The following USP50 variants were observed in gnomAD, a reference collection of about 807,000 sequenced individuals.
USP50 encodes ubiquitin specific peptidase 50.
Under a neutral mutation model 39.2 loss-of-function variants are expected in USP50, and 37 were observed. The ratio of observed to expected loss-of-function variants is 0.94; its 90% CI spans 0.73 to 1.24. The LOEUF is 1.24. Among genes scored for constraint, USP50 ranks in the 50% most tolerant of loss-of-function variants. USP50 has a pLI of 0.00. For synonymous variants in USP50, 139 were observed against 144.5 expected, an observed-to-expected ratio of 0.96 and a Z score of 0.27; for missense variants, 374 against 398.2, an observed-to-expected ratio of 0.94 and a Z score of 0.52.
rs57450027 is a variant in USP50 at position 50,523,175 on chromosome 15, C to CTTTTTTTT, written c.936+6614_936+6621dup. ...AAAATCAACATATAAAAATCAGTAG[C>CTTTTTTTT]TTTTTTTTTTTTTTTTTTGGTGAGA... On this transcript the variant is annotated intron_variant, in intron 6 of 6. Coordinates refer to ENST00000532404, the MANE Select transcript of USP50 (RefSeq NM_203494.5). Among the ~76,000 whole-genome samples the CTTTTTTTT allele has an allele frequency of 2.3e-4, 24 of 104,206 alleles. 1 individual carries two copies. Among genetic ancestry groups the CTTTTTTTT allele is most frequent in the African/African-American group, 6.7e-4 (18 of 26,978 alleles). 68.4% of individuals were successfully genotyped at this position (104,206 alleles called of 152,430 possible).
intron 5 of USP50, among the ~76,000 whole-genome samples, chr15:50,533,230 G>C (rs2052955986): frequency 6.7e-6 from 1 of 148,518 alleles, no homozygotes; most frequent in South Asian, 2.2e-4. Context: ...GGGACTGTGG[G>C]ACAACTACAA....
At chr15:50,529,204 G>A (rs1231211793) in intron 6 of USP50, among the ~76,000 whole-genome samples, 3 of 152,058 alleles carry the variant, frequency 2.0e-5, no homozygotes, top group South Asian at 2.1e-4. Flanking sequence ...GTGGTTCACG[G>A]TTATTCAACA....
chr15:50,543,563 G>T lies in USP50; in HGVS notation c.444+35C>A, dbSNP rs116117495. 2.8e-3 allele frequency: 4,455 copies of T among 1,573,058 alleles called. 124 individuals carry two copies. In the African/African-American group the frequency reaches 0.052, roughly 18 times the overall value. On this transcript the variant is annotated intron_variant, in intron 3 of 6. Transcript: ENST00000532404. Reference sequence around the variant, plus strand: ...ATGGAAGCTGCTGATAAAGGTTCAGGACTATCCTATTTCAAGGTCATTAAC... The same window carrying T: ...ATGGAAGCTGCTGATAAAGGTTCAGTACTATCCTATTTCAAGGTCATTAAC...
chr15:50,499,852 A>G (rs1448088487), downstream of USP50: 7 of 152,190 alleles, frequency 4.6e-5, no homozygotes, highest in African/African-American at 1.7e-4. Context: ...GATTTTATAT[A>G]CACACGTGCT....
At chr15:50,538,932 A>G (rs1384005278) in intron 4 of USP50, 81 bp from the exon 5 acceptor site, 3 of 1,441,618 alleles carry the variant, frequency 2.1e-6, no homozygotes, top group African/African-American at 2.8e-5. Flanking sequence ...AACTTTGCAA[A>G]TGCCGTGGAA....
chr15:50,518,082 T>C (rs999751011), intron 6 of USP50, among the ~76,000 whole-genome samples: 1 of 152,198 alleles, frequency 6.6e-6, no homozygotes, highest in African/African-American at 2.4e-5. Context: ...TACCTGACTT[T>C]AAAATATACT....
At chr15:50,545,929 T>A (rs924967572) in intron 1 of USP50, among the ~76,000 whole-genome samples, 6 of 150,966 alleles carry the variant, frequency 4.0e-5, no homozygotes, top group Non-Finnish European at 8.8e-5. Flanking sequence ...AACTGAAAAA[T>A]TTTTTTAAGT....
At chr15:50,546,407 ACT>A in intron 1 of USP50, 64 bp downstream of exon 1, 1 of 1,561,696 alleles carries the variant, frequency 6.4e-7, no homozygotes, top group South Asian at 1.1e-5. Flanking sequence ...GTGTCCCCTG[ACT>A]CCTCTGAGCT....
rs553287031 is a variant in USP50, at chr15:50,523,468, C to T, written c.936+6329G>A. ...GATTACAGGTATAAGCCACTGCATC[C>T]GGCTACAGTGGCATTTCTATACATT... is the stretch of plus-strand genomic sequence containing the variant. On this transcript the variant is annotated intron_variant, in intron 6 of 6. Coordinates refer to ENST00000532404, the MANE Select transcript of USP50 (RefSeq NM_203494.5). Among the ~76,000 whole-genome samples, 8 of 151,986 alleles carry T rather than the reference C, an allele frequency of 5.3e-5. No individual in the cohort carries two copies. The South Asian group carries it at 1.2e-3, about 24-fold the overall frequency.
At chr15:50,493,587 C>T (rs2052261746), downstream of USP50, 1 of 468,498 alleles carries the variant, frequency 2.1e-6, no homozygotes, top group Admixed American at 2.3e-5. Flanking sequence ...AACTCCGTCT[C>T]TACAAAAATT....
intron 3 of USP50, among the ~76,000 whole-genome samples, chr15:50,543,066 C>A (rs568825490): frequency 1.1e-4 from 17 of 152,058 alleles, no homozygotes; most frequent in Non-Finnish European, 1.5e-4. Flanking sequence ...TGTCCTAATT[C>A]GGTGATGAAC....
At chr15:50,538,273 CAAA>C (rs766139797) in intron 5 of USP50, among the ~76,000 whole-genome samples, 28 of 17,292 alleles carry the variant, frequency 1.6e-3, no homozygotes, top group African/African-American at 3.1e-3. Flanking sequence ...GAGACTGTCT[CAAA>C]AAAAAAAAAA....
At chr15:50,543,926 G>T in intron 2 of USP50, 133 bp from the exon 3 acceptor site, 2 of 815,470 alleles carry the variant, frequency 2.5e-6, no homozygotes, top group Non-Finnish European at 4.0e-6. Flanking sequence ...ACTTTGGGAG[G>T]CCAATGCAGG....
At position 50,501,003 on chromosome 15, in the gene USP50, C is replaced by T. The variant is rs541126638; in HGVS notation, c.937-166G>A. On this transcript the variant is annotated intron_variant, in intron 6 of 6. Coordinates refer to ENST00000532404, the MANE Select transcript of USP50 (RefSeq NM_203494.5). ...TGCATATAGCCTGACTGCTATATTG[C>T]TTCTCATTTCATTGTAACTACTTAT... The T allele has an allele frequency of 3.5e-4, 206 of 582,710 alleles. No homozygotes were observed. The African/African-American group carries it at 3.5e-3, about 10-fold the overall frequency. The allele number at this position is 582,710 out of a possible 1,614,324, so 36.1% of individuals were successfully genotyped here. A position where few individuals can be genotyped will look rare whatever the true frequency, so the allele number is the denominator to read the frequency against.
At chr15:50,535,750 C>CA (rs2052974845) in intron 5 of USP50, among the ~76,000 whole-genome samples, 1 of 152,212 alleles carries the variant, frequency 6.6e-6, no homozygotes, top group South Asian at 2.1e-4. Context: ...ATCAACTCTA[C>CA]AAAAAAATTT....
intron 3 of USP50, among the ~76,000 whole-genome samples, chr15:50,542,189 G>C (rs980993534): frequency 6.6e-6 from 1 of 152,112 alleles, no homozygotes; most frequent in Non-Finnish European, 1.5e-5. Context: ...TGATTTAAGA[G>C]CCTCAGTGGA....
At chr15:50,524,380 A>G (rs2052872440) in intron 6 of USP50, among the ~76,000 whole-genome samples, 1 of 152,270 alleles carries the variant, frequency 6.6e-6, no homozygotes, top group Non-Finnish European at 1.5e-5. Context: ...ACATCTGATA[A>G]GCAGTTAATA....
downstream of USP50, chr15:50,498,525 A>C: frequency 6.8e-7 from 1 of 1,474,094 alleles, no homozygotes; most frequent in Non-Finnish European, 9.0e-7. Context: ...CTAAAAATCT[A>C]GATGTTAATG....
intron 6 of USP50, among the ~76,000 whole-genome samples, chr15:50,514,858 T>C (rs761494370): frequency 3.3e-5 from 5 of 151,760 alleles, no homozygotes; most frequent in Non-Finnish European, 5.9e-5. Context: ...TAGCTGGGCA[T>C]GATGGCACTT....
Sources: gnomAD v4.1 joint callset for allele counts (sites outside exome capture counted in the v4.1 genomes callset) on GRCh38, gnomAD v4.1.1 for gene constraint, MANE v1.5 for transcripts, NCBI Gene and HGNC (gene_info 2026-07-23, HGNC 2026-07-21) for gene names.